Variants in CSMD1 observed in about 807,000 individuals in gnomAD.
CSMD1 encodes CUB and Sushi multiple domains 1.
A neutral mutation model predicts 417.5 loss-of-function variants in CSMD1; 213 were observed. The ratio of observed to expected loss-of-function variants is 0.51; its 90% CI spans 0.46 to 0.57. The LOEUF (loss-of-function observed/expected upper bound fraction) is 0.57, where lower values mean the gene tolerates loss of function less well. Among genes scored for constraint, CSMD1 ranks in the 20% least tolerant of loss-of-function variants. The probability of loss-of-function intolerance (pLI) is 0.00; values close to 1 mark genes in which losing one functional copy is unlikely to be tolerated. For missense variants in CSMD1, 6,923 were observed against 4,529.7 expected, an observed-to-expected ratio of 1.53 and a Z score of -15.17; for synonymous variants, 2,862 against 1,736.8, an observed-to-expected ratio of 1.65 and a Z score of -16.11.
chr8:4,400,200 A>G (rs558774216), intron 3 of CSMD1, among the ~76,000 whole-genome samples: 1 of 152,256 alleles, frequency 6.6e-6, no homozygotes, highest in Non-Finnish European at 1.5e-5. Flanking sequence ...TAGAGAAAGC[A>G]GCTTGAAGCA....
At chr8:3,086,348 T>G (rs1456898227) in intron 49 of CSMD1, among the ~76,000 whole-genome samples, 1 of 152,196 alleles carries the variant, frequency 6.6e-6, no homozygotes, top group Non-Finnish European at 1.5e-5. Context: ...GATCAACTTC[T>G]TACAGTCAAA....
intron 21 of CSMD1, 55 bp from the exon 22 acceptor site, chr8:3,348,216 T>A: frequency 7.0e-7 from 1 of 1,428,098 alleles, no homozygotes; most frequent in South Asian, 1.3e-5. Context: ...TTACTGTTTT[T>A]AACAGATTAA....
At chr8:4,516,884 CA>C (rs1803156696) in intron 2 of CSMD1, among the ~76,000 whole-genome samples, 1 of 151,946 alleles carries the variant, frequency 6.6e-6, no homozygotes, top group South Asian at 2.1e-4. Flanking sequence ...AGGGTGAATA[CA>C]AATATAATAT....
chr8:3,832,986 G>C (rs1027574491), intron 5 of CSMD1, among the ~76,000 whole-genome samples: 1 of 152,028 alleles, frequency 6.6e-6, no homozygotes, highest in African/African-American at 2.4e-5. Flanking sequence ...TATAGACACT[G>C]TTTTCTTTTT....
chr8:4,207,710 G>C (rs537291504), intron 3 of CSMD1, among the ~76,000 whole-genome samples: 1 of 152,058 alleles, frequency 6.6e-6, no homozygotes, highest in Non-Finnish European at 1.5e-5. Flanking sequence ...TTTTTCTGAT[G>C]AGTGTATTAA....
At chr8:3,735,334 ACAC>A (rs1442494784) in intron 6 of CSMD1, among the ~76,000 whole-genome samples, 1 of 152,162 alleles carries the variant, frequency 6.6e-6, no homozygotes, top group African/African-American at 2.4e-5. Context: ...ACACACACAC[ACAC>A]AACCAGATTC....
intron 6 of CSMD1, among the ~76,000 whole-genome samples, chr8:3,731,111 C>T (rs1014830969): frequency 6.6e-6 from 1 of 152,198 alleles, no homozygotes; most frequent in African/African-American, 2.4e-5. Flanking sequence ...GTCGAGCACA[C>T]CCCAGAACAT....
chr8:4,455,680 C>T (rs1799423477), intron 2 of CSMD1, among the ~76,000 whole-genome samples: 1 of 151,854 alleles, frequency 6.6e-6, no homozygotes, highest in Non-Finnish European at 1.5e-5. Flanking sequence ...CCTGTAATCT[C>T]AGCACTTTGG....
chr8:4,506,647 G>C (rs1023015482), intron 2 of CSMD1, among the ~76,000 whole-genome samples: 3 of 152,130 alleles, frequency 2.0e-5, no homozygotes, highest in Admixed American at 6.6e-5. Context: ...TTTTACATAA[G>C]ACCCTATAAT....
intron 9 of CSMD1, among the ~76,000 whole-genome samples, chr8:3,581,752 T>C (rs1800392121): frequency 6.6e-6 from 1 of 152,206 alleles, no homozygotes; most frequent in Non-Finnish European, 1.5e-5. Flanking sequence ...AGGCCACCTT[T>C]AGAGGCTAAG....
intron 5 of CSMD1, among the ~76,000 whole-genome samples, chr8:3,863,551 G>C (rs1804874816): frequency 6.6e-6 from 1 of 152,060 alleles, no homozygotes; most frequent in Non-Finnish European, 1.5e-5. Context: ...CCAACATTCA[G>C]ACCACAGCGC....
chr8:3,603,436 T>C (rs1801458785), intron 8 of CSMD1, among the ~76,000 whole-genome samples: 1 of 152,204 alleles, frequency 6.6e-6, no homozygotes, highest in African/African-American at 2.4e-5. Context: ...CCTTTCTTTA[T>C]ATGACAAACC....
At chr8:3,688,677 G>A (rs188512769) in intron 7 of CSMD1, among the ~76,000 whole-genome samples, 1 of 152,240 alleles carries the variant, frequency 6.6e-6, no homozygotes. Context: ...TGGCAGTTCT[G>A]CAATATTTCT....
chr8:4,584,185 G>A (rs911819605), intron 2 of CSMD1, among the ~76,000 whole-genome samples: 30 of 152,102 alleles, frequency 2.0e-4, no homozygotes, highest in African/African-American at 6.7e-4. Flanking sequence ...CACTGCGACG[G>A]TCCGTGGCAT....
intron 6 of CSMD1, among the ~76,000 whole-genome samples, chr8:3,724,445 T>C (rs1479553219): frequency 1.3e-5 from 2 of 152,232 alleles, no homozygotes; most frequent in African/African-American, 4.8e-5. Flanking sequence ...TAAAATTTTC[T>C]CTCAATGTAA....
chr8:3,407,857 A>T (rs1812449368), intron 14 of CSMD1, 42 bp downstream of exon 14: 1 of 1,513,482 alleles, frequency 6.6e-7, no homozygotes, highest in Non-Finnish European at 8.9e-7. Flanking sequence ...ACATGTAAGT[A>T]AAATGAGAAC....
At chr8:4,046,238 G>A (rs1047767642) in intron 3 of CSMD1, among the ~76,000 whole-genome samples, 1 of 152,096 alleles carries the variant, frequency 6.6e-6, no homozygotes, top group Non-Finnish European at 1.5e-5. Context: ...TAAAGGTCAT[G>A]TGGCATTATC....
chr8:4,792,653 A>G (rs561024030), intron 1 of CSMD1, among the ~76,000 whole-genome samples: 2 of 152,278 alleles, frequency 1.3e-5, no homozygotes, highest in Admixed American at 1.3e-4. Context: ...TTTTGTAATT[A>G]TATGGGACAC....
chr8:4,367,956 C>G (rs988592013), intron 3 of CSMD1, among the ~76,000 whole-genome samples: 1 of 152,144 alleles, frequency 6.6e-6, no homozygotes, highest in Non-Finnish European at 1.5e-5. Flanking sequence ...TTCTGGCAGG[C>G]TTTATGGGGT....
Sources: allele counts gnomAD v4.1 joint callset (sites outside exome capture counted in the v4.1 genomes callset), GRCh38; gene constraint gnomAD v4.1.1; transcripts MANE v1.5; gene names NCBI Gene and HGNC (gene_info 2026-07-23, HGNC 2026-07-21).